Variants in CCDC69 observed in about 807,000 individuals in gnomAD.
CCDC69 encodes coiled-coil domain-containing protein 69.
CCDC69 carries 38 observed loss-of-function variants against 40.3 expected under a neutral mutation model. That is an observed-to-expected ratio of 0.94 (90% CI 0.73 to 1.24). The LOEUF (loss-of-function observed/expected upper bound fraction) is 1.24, where lower values mean the gene tolerates loss of function less well. CCDC69 is among the 50% of genes most tolerant of loss of function. CCDC69 has a pLI of 0.00. For synonymous variants in CCDC69, 141 were observed against 138.9 expected (o/e 1.02, Z -0.11); for missense variants, 389 against 357.9 (o/e 1.09, Z -0.70).
At chr5:151,197,838 C>A (rs1752721439) in intron 4 of CCDC69, among the ~76,000 whole-genome samples, 1 of 152,080 alleles carries the variant, frequency 6.6e-6, no homozygotes, top group African/African-American at 2.4e-5. Context: ...AAATGCCTAA[C>A]AAAGGGACTC....
chr5:151,223,694 C>T (rs1297876257), intron 1 of CCDC69, among the ~76,000 whole-genome samples: 1 of 152,216 alleles, frequency 6.6e-6, no homozygotes, highest in African/African-American at 2.4e-5. Flanking sequence ...AGCTGCCTTT[C>T]CCTGGCCCGG....
intron 4 of CCDC69, among the ~76,000 whole-genome samples, chr5:151,192,800 A>G (rs1447898340): frequency 7.2e-5 from 11 of 152,346 alleles, no homozygotes; most frequent in African/African-American, 2.6e-4. Context: ...AAAGAGTAAT[A>G]TAACACAACC....
intron 1 of CCDC69, among the ~76,000 whole-genome samples, chr5:151,213,831 G>A (rs1752992039): frequency 6.6e-6 from 1 of 152,176 alleles, no homozygotes; most frequent in African/African-American, 2.4e-5. Context: ...AGTAATTAAA[G>A]AAGACTCCTT....
chr5:151,192,672 G>C (rs248440), intron 4 of CCDC69, among the ~76,000 whole-genome samples: 67,931 of 152,066 alleles, frequency 0.45, 15,818 homozygotes, highest in Admixed American at 0.57. Flanking sequence ...CATGGGGCAA[G>C]CTTTATCCTG....
At chr5:151,212,021 G>GC (rs1486918159) in intron 1 of CCDC69, 1 of 150,868 alleles carries the variant, frequency 6.6e-6, no homozygotes, top group African/African-American at 2.5e-5. Context: ...TGGTGGTGGG[G>GC]GGGGGAGTTG....
intron 7 of CCDC69, chr5:151,184,683 T>C: frequency 4.6e-6 from 2 of 434,980 alleles, no homozygotes; most frequent in East Asian, 3.9e-5. Flanking sequence ...CATTTCACCA[T>C]GAGTTCATGG....
rs1033679164 is a variant in CCDC69, at chr5:151,183,528, T to C, written c.800A>G (p.Glu267Gly). Residue 267 changes from glutamate (E) to glycine (G), a missense_variant, in exon 9 of 9, where the codon GAG (glutamate) becomes GGG (glycine). Glu to Gly is a moderately conservative substitution (Grantham distance 98). Transcript: ENST00000355417. ...GGCCCCAAGGACCCGGTACAACAGC[T>C]CCTCCTTCTCCTGCTGGAGCTGTCG... ...LRRQLQQEKE[E>G]LLYRVLGANA... is the part of the protein sequence containing the mutation. 1.2e-6 allele frequency: 2 copies of C among 1,610,152 alleles called. No individual in the cohort carries two copies. The highest frequency in any genetic ancestry group is 1.7e-6 in the Non-Finnish European group (2 of 1,178,840).
At chr5:151,202,657 C>A (rs1185467649) in intron 2 of CCDC69, among the ~76,000 whole-genome samples, 1 of 152,134 alleles carries the variant, frequency 6.6e-6, no homozygotes, top group Non-Finnish European at 1.5e-5. Flanking sequence ...GTTTGTGGCC[C>A]CTCACCTTTA....
intron 3 of CCDC69, 31 bp from the exon 4 acceptor site, chr5:151,199,115 G>T (rs760455891): frequency 1.3e-6 from 2 of 1,558,512 alleles, no homozygotes; most frequent in Admixed American, 3.3e-5. Context: ...GCAGGACTGA[G>T]ATTGAGCAGG....
intron 6 of CCDC69, 76 bp downstream of exon 6, chr5:151,185,947 C>T: frequency 4.2e-6 from 4 of 942,754 alleles, no homozygotes; most frequent in Non-Finnish European, 7.0e-6. Context: ...TGAAGAGGGG[C>T]TGGTCTTTCC....
intron 3 of CCDC69, among the ~76,000 whole-genome samples, chr5:151,199,975 T>A (rs1451410619): frequency 6.6e-6 from 1 of 152,126 alleles, no homozygotes; most frequent in Non-Finnish European, 1.5e-5. Context: ...GAGGGCAGGG[T>A]CTGGACCCGA....
At chr5:151,184,889 C>T (rs72790194) in intron 7 of CCDC69, 3,805 of 159,926 alleles carry the variant, frequency 0.024, 61 homozygotes, top group Non-Finnish European at 0.034. Context: ...TCCCTGGGCA[C>T]ACACCCTGGC....
At chr5:151,209,819 A>G (rs548014069) in intron 1 of CCDC69, among the ~76,000 whole-genome samples, 5 of 152,272 alleles carry the variant, frequency 3.3e-5, no homozygotes, top group African/African-American at 4.8e-5. Flanking sequence ...GGCTCAAGTG[A>G]TTTGCCTGCC....
At chr5:151,216,936 T>G (rs974260478) in intron 1 of CCDC69, among the ~76,000 whole-genome samples, 5 of 151,982 alleles carry the variant, frequency 3.3e-5, no homozygotes, top group Admixed American at 6.6e-5. Flanking sequence ...GAAGGACGTG[T>G]GTGTGGGGTG....
intron 4 of CCDC69, among the ~76,000 whole-genome samples, chr5:151,194,891 C>CAAAAAAAAAA (rs59836328): frequency 1.1e-5 from 1 of 92,304 alleles, no homozygotes; most frequent in African/African-American, 4.4e-5. Flanking sequence ...GCCTCCATCT[C>CAAAAAAAAAA]AAAAAAAAAA....
At chr5:151,187,548 T>G in intron 4 of CCDC69, 89 bp from the exon 5 acceptor site, 3 of 1,049,734 alleles carry the variant, frequency 2.9e-6, no homozygotes, top group South Asian at 1.3e-5. Context: ...GTCCAGATAT[T>G]TAACTGGGGC....
chr5:151,196,225 C>T (rs1214220515), intron 4 of CCDC69, among the ~76,000 whole-genome samples: 1 of 152,150 alleles, frequency 6.6e-6, no homozygotes, highest in Non-Finnish European at 1.5e-5. Context: ...GATCTTGGCT[C>T]ACTGCAACCT....
intron 4 of CCDC69, among the ~76,000 whole-genome samples, chr5:151,191,363 A>C (rs1315780846): frequency 1.3e-5 from 2 of 152,230 alleles, no homozygotes; most frequent in African/African-American, 4.8e-5. Context: ...ACTAACATTA[A>C]CCAAACTTTA....
chr5:151,223,802 G>A (rs1753172413), intron 1 of CCDC69, 121 bp downstream of exon 1: 1 of 971,830 alleles, frequency 1.0e-6, no homozygotes, highest in Non-Finnish European at 1.5e-6. Context: ...GGCCTCTCCA[G>A]GTTCTCCGTC....
Sources: allele counts gnomAD v4.1 joint callset (sites outside exome capture counted in the v4.1 genomes callset), GRCh38; gene constraint gnomAD v4.1.1; transcripts MANE v1.5; gene names NCBI Gene and HGNC (gene_info 2026-07-23, HGNC 2026-07-21).